WDR93: variants seen among roughly 807,000 people sequenced by gnomAD.
WDR93 encodes WD repeat-containing protein 93.
Under a neutral mutation model 82.9 loss-of-function variants are expected in WDR93, and 73 were observed. That is an observed-to-expected ratio of 0.88 (90% CI 0.73 to 1.07). The LOEUF is 1.07. Among genes scored for constraint, WDR93 ranks in the 50% least tolerant of loss-of-function variants. The pLI is 0.00. For synonymous variants in WDR93, 283 were observed against 300.1 expected (o/e 0.94, Z 0.59); for missense variants, 738 against 826.0 (o/e 0.89, Z 1.31).
At chr15:89,696,222 A>C (rs1965167186) in intron 1 of WDR93, among the ~76,000 whole-genome samples, 1 of 152,192 alleles carries the variant, frequency 6.6e-6, no homozygotes, top group South Asian at 2.1e-4. Flanking sequence ...GTATAAATGG[A>C]ATTGGACTGC....
intron 12 of WDR93, among the ~76,000 whole-genome samples, chr15:89,732,192 T>C (rs959127853): frequency 1.3e-5 from 2 of 152,228 alleles, no homozygotes; most frequent in Non-Finnish European, 2.9e-5. Flanking sequence ...CTCAGTGGTT[T>C]GCCATTTTGC....
chr15:89,701,773 C>G lies in WDR93; in HGVS notation c.27C>G (p.Thr9=). 6.2e-7 allele frequency: 1 copy of G among 1,612,596 alleles called. No individual in the cohort carries two copies. ...TGTCATTCCCAAGAGGAAGTCAGAC[C>G]CAGAAAATAAAGCACCCCATTGGTA... is the stretch of plus-strand genomic sequence containing the variant. The part of the protein sequence containing the change: MSFPRGSQ[T]QKIKHPIGTR... The change falls in exon 2 of 17, where the codon ACC becomes ACG. Residue 9 remains threonine, a synonymous_variant. Coordinates refer to ENST00000268130, the MANE Select transcript of WDR93 (RefSeq NM_020212.2).
At chr15:89,729,826 C>T (rs1339083352) in intron 11 of WDR93, 57 bp downstream of exon 11, 1 of 1,419,548 alleles carries the variant, frequency 7.0e-7, no homozygotes, top group Non-Finnish European at 9.9e-7. Context: ...ACATGTCCTT[C>T]TCCAGCTTAG....
chr15:89,696,071 C>A (rs1050997683), intron 1 of WDR93, among the ~76,000 whole-genome samples: 1 of 151,976 alleles, frequency 6.6e-6, no homozygotes. Flanking sequence ...CCCGCCTTGG[C>A]CCCCCAAAGT....
At chr15:89,691,174 A>G (rs1216559694) in intron 1 of WDR93, among the ~76,000 whole-genome samples, 2 of 152,194 alleles carry the variant, frequency 1.3e-5, no homozygotes, top group South Asian at 2.1e-4. Context: ...GTTAGGTCAG[A>G]GATAAGCCAA....
intron 15 of WDR93, 120 bp downstream of exon 15, chr15:89,737,849 A>C: frequency 7.0e-7 from 1 of 1,432,304 alleles, no homozygotes; most frequent in Non-Finnish European, 9.5e-7. Flanking sequence ...CATAGGCCAA[A>C]GGGTACCGCA....
At chr15:89,725,804 C>A (rs1311016530) in intron 8 of WDR93, among the ~76,000 whole-genome samples, 1 of 152,104 alleles carries the variant, frequency 6.6e-6, no homozygotes, top group Non-Finnish European at 1.5e-5. Context: ...TCAAGCGATC[C>A]TCCTGCCTTG....
At chr15:89,705,530 T>G in intron 3 of WDR93, 24 bp from the exon 4 acceptor site, 1 of 1,352,172 alleles carries the variant, frequency 7.4e-7, no homozygotes. Flanking sequence ...TGTCTTAACA[T>G]TCTCACTTAT....
intron 8 of WDR93, among the ~76,000 whole-genome samples, chr15:89,724,584 AAT>A (rs1966657476): frequency 1.3e-5 from 2 of 152,222 alleles, no homozygotes; most frequent in Admixed American, 1.3e-4. Context: ...TCATGTCCAG[AAT>A]ATATGAAGAA....
At chr15:89,719,887 G>A (rs764339436) in intron 7 of WDR93, among the ~76,000 whole-genome samples, 27 of 151,490 alleles carry the variant, frequency 1.8e-4, no homozygotes, top group Non-Finnish European at 3.1e-4. Context: ...TGCAACCTCC[G>A]TCTCCCAGGT....
In WDR93 at chr15:89,728,385, C is replaced by T. The variant is rs536121115; in HGVS notation, c.1053-638C>T. Among the ~76,000 whole-genome samples, 6 of 152,250 alleles carry T rather than the reference C, an allele frequency of 3.9e-5. No individual in the cohort carries two copies. The East Asian group carries it at 7.7e-4, about 20-fold the overall frequency. ...TGTTCTCACATGGGAAGTGAAATCT[C>T]TCGTGCTGTCAAGTGGACCTTAAAT... On this transcript the variant is annotated intron_variant, in intron 9 of 16. Transcript: ENST00000268130.
intron 10 of WDR93, 66 bp downstream of exon 10, chr15:89,729,159 C>T: frequency 1.4e-6 from 2 of 1,443,590 alleles, no homozygotes; most frequent in Admixed American, 1.7e-5. Context: ...CCTCAGCAAG[C>T]CCCCACAGAG....
chr15:89,720,682 C>T (rs562520315), intron 7 of WDR93, among the ~76,000 whole-genome samples: 23 of 152,152 alleles, frequency 1.5e-4, no homozygotes, highest in South Asian at 1.5e-3. Flanking sequence ...AAATCCATTG[C>T]GATCAGAAAA....
chr15:89,711,525 C>CA (rs541710221), intron 4 of WDR93, among the ~76,000 whole-genome samples: 1,489 of 132,182 alleles, frequency 0.011, 23 homozygotes, highest in African/African-American at 0.032. Flanking sequence ...TAGCGAGTCT[C>CA]AAAAAAAAAA....
At chr15:89,740,470 C>G (rs1240737174) in intron 16 of WDR93, among the ~76,000 whole-genome samples, 1 of 152,106 alleles carries the variant, frequency 6.6e-6, no homozygotes, top group African/African-American at 2.4e-5. Context: ...GAATGTTCAA[C>G]TATTCTTCAC....
intron 1 of WDR93, among the ~76,000 whole-genome samples, chr15:89,700,080 T>A (rs1965381538): frequency 6.6e-6 from 1 of 152,218 alleles, no homozygotes; most frequent in African/African-American, 2.4e-5. Flanking sequence ...TGCAGTATGT[T>A]ACTTAGAAAT....
Position 89,729,009 on chromosome 15 carries a change from T to C in WDR93, c.1053-14T>C. ...AGTCTACATGGCTCTGACTCGTGTG[T>C]CTTTCTTTCCCAGTACGGCCACCTT... On this transcript the variant is annotated splice_polypyrimidine_tract_variant and intron_variant, in intron 9 of 16. Transcript: ENST00000268130. 6.2e-7 allele frequency: 1 copy of C among 1,613,250 alleles called. No homozygotes were observed. The highest frequency in any genetic ancestry group is 8.5e-7 in the Non-Finnish European group (1 of 1,179,192).
chr15:89,720,966 G>A (rs978238765), intron 7 of WDR93: 2 of 151,900 alleles, frequency 1.3e-5, no homozygotes, highest in East Asian at 1.9e-4. Flanking sequence ...TCACTCTTAC[G>A]AATTTTTGCT....
intron 4 of WDR93, among the ~76,000 whole-genome samples, chr15:89,710,083 C>T (rs1015138278): frequency 3.1e-4 from 47 of 152,144 alleles, no homozygotes; most frequent in African/African-American, 1.0e-3. Context: ...TTGCTTGAAC[C>T]CAGGAGGCGG....
Sources: gnomAD v4.1 joint callset for allele counts (sites outside exome capture counted in the v4.1 genomes callset) on GRCh38, gnomAD v4.1.1 for gene constraint, MANE v1.5 for transcripts, NCBI Gene and HGNC (gene_info 2026-07-23, HGNC 2026-07-21) for gene names.